EPG5: variants seen among roughly 807,000 people sequenced by gnomAD.
EPG5 encodes ectopic P granules protein 5 homolog.
In EPG5, 159 loss-of-function variants were observed where a neutral mutation model predicts 302.7. The ratio of observed to expected loss-of-function variants is 0.53; its 90% CI spans 0.46 to 0.60. The LOEUF (loss-of-function observed/expected upper bound fraction) is 0.60. Ranked by LOEUF, EPG5 falls within the 20% of genes least tolerant of loss-of-function variation. EPG5 has a pLI of 0.00. For synonymous variants in EPG5, 1,158 were observed against 1,136.8 expected, an observed-to-expected ratio of 1.02 and a Z score of -0.37; for missense variants, 2,896 against 3,092.4, an observed-to-expected ratio of 0.94 and a Z score of 1.51.
chr18:45,946,589 T>C (rs975340921), intron 7 of EPG5, 74 bp downstream of exon 7: 2 of 1,104,752 alleles, frequency 1.8e-6, no homozygotes, highest in African/African-American at 3.1e-5. Context: ...ATGTGAAAAG[T>C]GCTTAGAACA....
Position 45,925,819 on chromosome 18 carries a change from T to G in EPG5, c.2637A>C (p.Leu879Phe). The G allele has an allele frequency of 6.3e-7, 1 of 1,583,416 alleles. No individual in the cohort carries two copies. The highest frequency in any genetic ancestry group is 1.4e-5 in the African/African-American group (1 of 73,584). The stretch of plus-strand genomic sequence containing the variant: ...TCACCACTGTCAGGTTGTAATTCAA[T>G]AACCAATCCCGAATCACCGCTATCT... ...ASEIAVIRDW[L>F]LNYNLTVVKN... Residue 879 changes from leucine (L) to phenylalanine (F), a missense_variant, in exon 14 of 44, where the codon TTA becomes TTC. Around this residue, in one of 5 missense-constraint regions of EPG5, gnomAD observed 1,390 missense variants for 1,430.0 expected, o/e 0.97. Transcript: ENST00000282041.
At chr18:45,873,314 A>T (rs1437759989) in intron 35 of EPG5, among the ~76,000 whole-genome samples, 2 of 152,196 alleles carry the variant, frequency 1.3e-5, no homozygotes, top group African/African-American at 4.8e-5. Context: ...GTTCAAAACC[A>T]GCCTGGCCAA....
the EPG5 span, among the ~76,000 whole-genome samples, chr18:45,821,653 G>A: frequency 4.6e-5 from 7 of 152,190 alleles, no homozygotes; most frequent in African/African-American, 1.2e-4. Flanking sequence ...GAAGTAATCA[G>A]CAGAATGAAA....
chr18:45,809,314 T>C, the EPG5 span, among the ~76,000 whole-genome samples: 2 of 152,046 alleles, frequency 1.3e-5, no homozygotes, highest in Non-Finnish European at 1.5e-5. Context: ...AGAGAGGTCA[T>C]CAAGGCAGAA....
the EPG5 span, among the ~76,000 whole-genome samples, chr18:45,817,631 G>T: frequency 6.6e-6 from 1 of 152,314 alleles, no homozygotes; most frequent in East Asian, 1.9e-4. Flanking sequence ...ATTGGCAGGT[G>T]GTCTCAGGCC....
the EPG5 span, chr18:45,840,899 C>G: frequency 6.6e-6 from 1 of 152,354 alleles, no homozygotes; most frequent in African/African-American, 2.4e-5. Context: ...CACAACCTGT[C>G]CTGTGTCCCT....
chr18:45,943,475 G>T (rs28725177), intron 8 of EPG5, among the ~76,000 whole-genome samples, 164 bp from the exon 9 acceptor site: 92 of 152,250 alleles, frequency 6.0e-4, no homozygotes, highest in African/African-American at 2.1e-3. Flanking sequence ...GAAAAAACTT[G>T]AGACAATGTG....
the EPG5 span, among the ~76,000 whole-genome samples, chr18:45,812,663 T>C: frequency 4.6e-5 from 7 of 152,174 alleles, no homozygotes; most frequent in Non-Finnish European, 1.0e-4. Flanking sequence ...AAACAAGCAA[T>C]GGGGAAAGGA....
chr18:45,904,846 T>C (rs2049708672), intron 24 of EPG5, among the ~76,000 whole-genome samples: 2 of 152,254 alleles, frequency 1.3e-5, no homozygotes, highest in Non-Finnish European at 2.9e-5. Context: ...TATTGGGTTA[T>C]GTCATTTTTT....
At position 45,950,935 on chromosome 18, in the gene EPG5, G is replaced by C. The variant is rs139404917; in HGVS notation, c.1389+167C>G. Among the ~76,000 whole-genome samples the C allele has an allele frequency of 5.2e-3, 798 of 152,108 alleles. 6 individuals are homozygous for C. Among genetic ancestry groups the C allele is most frequent in the African/African-American group, 0.018 (743 of 41,418 alleles). Reference sequence around the variant, plus strand: ...ATACTTTGTGCTCAATAATGCACTAGATAAATAACTTACTACCATGTATCA... The same window carrying C: ...ATACTTTGTGCTCAATAATGCACTACATAAATAACTTACTACCATGTATCA... On this transcript the variant is annotated intron_variant, in intron 4 of 43. Coordinates refer to ENST00000282041, the MANE Select transcript of EPG5 (RefSeq NM_020964.3).
chr18:45,925,761 G>A lies in EPG5; in HGVS notation c.2695C>T (p.Leu899=), dbSNP rs2050253504. The A allele has an allele frequency of 1.3e-6, 2 of 1,557,120 alleles. No homozygotes were observed. The highest frequency in any genetic ancestry group is 1.7e-6 in the Non-Finnish European group (2 of 1,157,660). Residue 899 remains leucine (L), a synonymous_variant, in exon 14 of 44, where the codon CTG becomes TTG. Coordinates refer to ENST00000282041, the MANE Select transcript of EPG5 (RefSeq NM_020964.3). ...NKLACVILEG[L]NWGFAKQATL... is the part of the protein sequence containing the mutation. ...ACCTGTTTAGCAAATCCCCAATTCAGTCCTTCAAGAATAACACAGGCCAGT... is the reference window on the plus strand; with the variant it reads ...ACCTGTTTAGCAAATCCCCAATTCAATCCTTCAAGAATAACACAGGCCAGT...
the EPG5 span, among the ~76,000 whole-genome samples, chr18:45,834,108 G>C: frequency 5.3e-5 from 8 of 152,110 alleles, no homozygotes; most frequent in African/African-American, 1.9e-4. Context: ...CTACCTCAAG[G>C]CTTCGTGCAG....
At chr18:45,951,081 T>C in intron 4 of EPG5, 21 bp downstream of exon 4, 1 of 1,505,526 alleles carries the variant, frequency 6.6e-7, no homozygotes. Flanking sequence ...AAGACTACTG[T>C]GTCTATCTCT....
chr18:45,898,081 C>T (rs947050329), intron 27 of EPG5, among the ~76,000 whole-genome samples: 9 of 152,310 alleles, frequency 5.9e-5, no homozygotes, highest in South Asian at 2.1e-4. Context: ...ACAGGCTGGC[C>T]GGGTGCGGTG....
At chr18:45,868,929 C>A (rs1880966084) in intron 36 of EPG5, among the ~76,000 whole-genome samples, 1 of 151,554 alleles carries the variant, frequency 6.6e-6, no homozygotes, top group South Asian at 2.1e-4. Flanking sequence ...GTGGTGGGCA[C>A]CTGTAGTCCC....
intron 27 of EPG5, among the ~76,000 whole-genome samples, chr18:45,892,791 C>T (rs2049382100): frequency 6.6e-6 from 1 of 152,180 alleles, no homozygotes. Flanking sequence ...ATTTCCAGGA[C>T]ATTCTTTCCC....
At chr18:45,858,421 C>T in intron 41 of EPG5, 145 bp downstream of exon 41, 1 of 663,912 alleles carries the variant, frequency 1.5e-6, no homozygotes, top group Middle Eastern at 4.2e-4. Flanking sequence ...AATTAAGAAT[C>T]TTTCCAAAAC....
chr18:45,905,128 G>T (rs1474337130), intron 24 of EPG5, among the ~76,000 whole-genome samples: 2 of 152,168 alleles, frequency 1.3e-5, no homozygotes, highest in African/African-American at 4.8e-5. Context: ...CCCATGGGCT[G>T]TCTTGCATAT....
the EPG5 span, among the ~76,000 whole-genome samples, chr18:45,803,178 G>A: frequency 6.6e-6 from 1 of 152,176 alleles, no homozygotes; most frequent in African/African-American, 2.4e-5. Context: ...TCAGAGCAAT[G>A]ATCCTTTATA....
Sources: allele counts gnomAD v4.1 joint callset (sites outside exome capture counted in the v4.1 genomes callset), GRCh38; gene constraint gnomAD v4.1.1; regional missense constraint gnomAD v4.1.1; transcripts MANE v1.5; gene names NCBI Gene and HGNC (gene_info 2026-07-23, HGNC 2026-07-21).